SCARB1: variants seen among roughly 807,000 people sequenced by gnomAD.
SCARB1 encodes scavenger receptor class B member 1, also known as CD36 and LIMPII analogous 1.
Under a neutral mutation model 57.2 loss-of-function variants are expected in SCARB1, and 30 were observed. The observed-to-expected ratio is 0.52, with a 90% confidence interval of 0.39 to 0.71. SCARB1 has a LOEUF of 0.71. Among genes scored for constraint, SCARB1 ranks in the 30% least tolerant of loss-of-function variants. The probability of loss-of-function intolerance (pLI) is 0.00; values close to 1 mark genes in which losing one functional copy is unlikely to be tolerated. For synonymous variants in SCARB1, 249 were observed against 268.3 expected (o/e 0.93, Z 0.70); for missense variants, 543 against 671.2 (o/e 0.81, Z 2.11).
rs12810444 is a variant in SCARB1 at position 124,844,743 on chromosome 12, C to T, written c.126+18852G>A. Among the ~76,000 whole-genome samples, 265 of 152,294 alleles carry T rather than the reference C, an allele frequency of 1.7e-3. 1 individual carries two copies. The highest frequency in any genetic ancestry group is 2.9e-3 in the Non-Finnish European group (197 of 68,026). Reference sequence around the variant, plus strand: ...CAACATCCTGATCTCAGACTTCCGGCCTCCAGAACTGTACGGGAATACATG... The same window carrying T: ...CAACATCCTGATCTCAGACTTCCGGTCTCCAGAACTGTACGGGAATACATG... On this transcript the variant is annotated intron_variant, in intron 1 of 12. Transcript: ENST00000261693.
intron 1 of SCARB1, among the ~76,000 whole-genome samples, chr12:124,851,056 G>T (rs1952382260): frequency 6.6e-6 from 1 of 152,212 alleles, no homozygotes; most frequent in African/African-American, 2.4e-5. Flanking sequence ...TTGGTCCAAG[G>T]ATGCACATGT....
intron 6 of SCARB1, among the ~76,000 whole-genome samples, chr12:124,808,772 G>T (rs1950411540): frequency 6.6e-6 from 1 of 151,966 alleles, no homozygotes; most frequent in African/African-American, 2.4e-5. Flanking sequence ...TTGACATGGG[G>T]TGAGTCCAAA....
At chr12:124,863,006 G>C (rs1216474940) in intron 1 of SCARB1, among the ~76,000 whole-genome samples, 2 of 152,192 alleles carry the variant, frequency 1.3e-5, no homozygotes, top group Non-Finnish European at 2.9e-5. Context: ...CAGTGAGCAG[G>C]GAGAACAGAG....
rs538793388 is a variant in SCARB1 at position 124,837,937 on chromosome 12, G to C, written c.127-20230C>G. The stretch of plus-strand genomic sequence containing the variant: ...GTTAAAAATAAATAAACAAACAATT[G>C]AAAGAAAAATGCCATTTCATGACAT... On this transcript the variant is annotated intron_variant, in intron 1 of 12. Coordinates refer to ENST00000261693, the MANE Select transcript of SCARB1 (RefSeq NM_005505.5). Among the ~76,000 whole-genome samples the C allele has an allele frequency of 3.3e-5, 5 of 152,252 alleles. No homozygotes were observed. In the East Asian group the frequency reaches 9.6e-4, roughly 29 times the overall value.
At chr12:124,837,745 A>T (rs1326965997) in intron 1 of SCARB1, among the ~76,000 whole-genome samples, 4 of 149,128 alleles carry the variant, frequency 2.7e-5, no homozygotes, top group Non-Finnish European at 4.5e-5. Flanking sequence ...CAACCTATAA[A>T]AAAAAAAAAT....
chr12:124,851,222 G>A (rs983576529), intron 1 of SCARB1, among the ~76,000 whole-genome samples: 5 of 152,172 alleles, frequency 3.3e-5, no homozygotes, highest in Non-Finnish European at 7.4e-5. Flanking sequence ...CCCTGACGTG[G>A]TGCAGATGCC....
rs988563353 is a variant in SCARB1, at chr12:124,796,583, C to T, written c.1129-1315G>A. 6.6e-6 allele frequency among the ~76,000 whole-genome samples: 1 copy of T among 152,200 alleles called. No individual in the cohort carries two copies. The highest frequency in any genetic ancestry group is 1.5e-5 in the Non-Finnish European group (1 of 68,040). On this transcript the variant is annotated intron_variant, in intron 8 of 12. Transcript: ENST00000261693. This position sits in a 1 kb window ranked among gnomAD's most constrained non-coding sequence, Gnocchi z 4.0. The stretch of plus-strand genomic sequence containing the variant: ...CCTCATCTGTAAAACAGAGAGAACT[C>T]TCCCGACCTGACAGAATTTTTGCAA...
In SCARB1 at chr12:124,814,457, C is replaced by T. The variant is rs534903229; in HGVS notation, c.427-52G>A. 6.4e-7 allele frequency: 1 copy of T among 1,573,810 alleles called. No homozygotes were observed. Among genetic ancestry groups the T allele is most frequent in the African/African-American group, 1.3e-5 (1 of 74,104 alleles). ...AGAGGCTGGACGTGGCTGGCCCATC[C>T]TCCCTTGGCCCCAGCTGGGCCTCAC... On this transcript the variant is annotated intron_variant, in intron 3 of 12. Coordinates refer to ENST00000261693, the MANE Select transcript of SCARB1 (RefSeq NM_005505.5). The surrounding 1 kb of genome is among the most constrained non-coding windows in gnomAD (Gnocchi z 4.7).
intron 1 of SCARB1, among the ~76,000 whole-genome samples, chr12:124,860,761 G>C (rs1269691991): frequency 1.3e-5 from 2 of 152,188 alleles, no homozygotes; most frequent in Non-Finnish European, 2.9e-5. Flanking sequence ...AAAATGATCA[G>C]TCAATGGAGA....
intron 9 of SCARB1, among the ~76,000 whole-genome samples, chr12:124,791,845 A>C (rs1217172706): frequency 6.6e-6 from 1 of 152,002 alleles, no homozygotes; most frequent in Non-Finnish European, 1.5e-5. Context: ...AATCCCAGCT[A>C]CGCGGGAGGC....
chr12:124,854,543 G>A (rs1352137897), intron 1 of SCARB1, among the ~76,000 whole-genome samples: 1 of 152,232 alleles, frequency 6.6e-6, no homozygotes, highest in Non-Finnish European at 1.5e-5. Flanking sequence ...AGGCCAGTGA[G>A]GAGGCGGATG....
chr12:124,837,468 A>AAGGAAGGAAGGAAGG (rs1566230970), intron 1 of SCARB1, among the ~76,000 whole-genome samples: 9 of 121,530 alleles, frequency 7.4e-5, no homozygotes, highest in African/African-American at 3.3e-4. Flanking sequence ...GGAAAGAAAG[A>AAGGAAGGAAGGAAGG]AAGAAAGGAA....
intron 7 of SCARB1, among the ~76,000 whole-genome samples, chr12:124,806,455 C>T (rs960479937): frequency 1.1e-4 from 17 of 152,296 alleles, no homozygotes; most frequent in African/African-American, 3.4e-4. Context: ...CACTGCGGAA[C>T]GAGAAGATGT....
intron 1 of SCARB1, among the ~76,000 whole-genome samples, chr12:124,820,467 G>T (rs1054371429): frequency 6.6e-6 from 1 of 151,994 alleles, no homozygotes; most frequent in Non-Finnish European, 1.5e-5. Context: ...CCCCATGGCG[G>T]CTCCCACCAC....
intron 1 of SCARB1, among the ~76,000 whole-genome samples, chr12:124,855,842 C>A (rs1380422315): frequency 2.6e-5 from 4 of 152,162 alleles, no homozygotes; most frequent in Non-Finnish European, 4.4e-5. Context: ...CACTAAGGAA[C>A]CTCCATGCAG....
chr12:124,783,249 CA>C (rs879277597), intron 11 of SCARB1: 8 of 225,968 alleles, frequency 3.5e-5, no homozygotes, highest in Non-Finnish European at 6.1e-5. Flanking sequence ...GACAGGATCT[CA>C]CTCTGTTGTC....
At position 124,786,616 on chromosome 12, in the gene SCARB1, C is replaced by T. The variant is rs890787463; in HGVS notation, c.1255-113G>A. 1.4e-5 allele frequency: 21 copies of T among 1,542,360 alleles called. No homozygotes were observed. In the African/African-American group the frequency reaches 2.5e-4, roughly 18 times the overall value. ...CGCCTCAGCTTTTCCCCACCTCAAGCTTCCCGGCTAAAGCATGTGTTGGAG... is the reference window on the plus strand; with the variant it reads ...CGCCTCAGCTTTTCCCCACCTCAAGTTTCCCGGCTAAAGCATGTGTTGGAG... On this transcript the variant is annotated intron_variant, in intron 10 of 12. Coordinates refer to ENST00000261693, the MANE Select transcript of SCARB1 (RefSeq NM_005505.5).
At chr12:124,839,340 A>G (rs900775609) in intron 1 of SCARB1, 2 of 444,108 alleles carry the variant, frequency 4.5e-6, no homozygotes, top group Non-Finnish European at 4.5e-6. Context: ...TTTCACTCGC[A>G]TAACTTCCTC....
At chr12:124,797,483 A>AGGC (rs1388516561) in intron 8 of SCARB1, among the ~76,000 whole-genome samples, 6 of 152,174 alleles carry the variant, frequency 3.9e-5, no homozygotes, top group African/African-American at 1.4e-4. Flanking sequence ...AAAGAAATAA[A>AGGC]GGCCACTTCC....
Sources: allele counts gnomAD v4.1 joint callset (sites outside exome capture counted in the v4.1 genomes callset), GRCh38; gene constraint gnomAD v4.1.1; non-coding constraint Gnocchi (gnomAD v3.1); transcripts MANE v1.5; gene names NCBI Gene and HGNC (gene_info 2026-07-23, HGNC 2026-07-21).